Variants in TCTN3 observed in about 807,000 individuals in gnomAD.
TCTN3 encodes tectonic family member 3, also known as tectonic-3.
A neutral mutation model predicts 71.3 loss-of-function variants in TCTN3; 57 were observed. That is an observed-to-expected ratio of 0.80 (90% CI 0.65 to 1.00). The LOEUF is 1.00. Among genes scored for constraint, TCTN3 ranks in the 50% least tolerant of loss-of-function variants. The pLI is 0.00. For missense variants in TCTN3, 696 were observed against 719.9 expected (o/e 0.97, Z 0.38); for synonymous variants, 258 against 267.8 (o/e 0.96, Z 0.36).
rs1472885195 is a variant in TCTN3, at chr10:95,687,110, C to A, written c.786G>T (p.Leu262=). 6.2e-7 allele frequency: 1 copy of A among 1,614,002 alleles called. No homozygotes were observed. Among genetic ancestry groups the A allele is most frequent in the African/African-American group, 1.3e-5 (1 of 74,892 alleles). ...STTCTRFFKN[L]ASSCTLDSAL... ...CTGAATCCAAGGTACAGCTACTAGCCAGGTTCTTGAAAAAACGAGTGCAAG... is the reference window on the plus strand; with the variant it reads ...CTGAATCCAAGGTACAGCTACTAGCAAGGTTCTTGAAAAAACGAGTGCAAG... The change falls in exon 6 of 14, where the codon CTG becomes CTT. Residue 262 remains leucine, a synonymous_variant. Transcript: ENST00000371217.
chr10:95,689,022 G>A (rs1043954645), intron 3 of TCTN3, among the ~76,000 whole-genome samples: 9 of 152,126 alleles, frequency 5.9e-5, no homozygotes, highest in African/African-American at 2.2e-4. Context: ...AAGCAAATGA[G>A]GATTCCACGT....
intron 12 of TCTN3, among the ~76,000 whole-genome samples, chr10:95,681,045 G>A (rs1220048215): frequency 2.0e-5 from 3 of 150,578 alleles, no homozygotes; most frequent in Admixed American, 2.0e-4. Flanking sequence ...CAAAGTGCTG[G>A]GATTACAGGC....
intron 13 of TCTN3, among the ~76,000 whole-genome samples, chr10:95,668,116 T>TA (rs1202449173): frequency 6.6e-6 from 1 of 151,488 alleles, no homozygotes; most frequent in Admixed American, 6.6e-5. Context: ...ATGGCCAAAA[T>TA]AAAAAATTCA....
intron 3 of TCTN3, among the ~76,000 whole-genome samples, chr10:95,688,397 G>GAAAAAATAAAAAAAAA (rs2097950534): frequency 9.6e-6 from 1 of 104,592 alleles, no homozygotes; most frequent in African/African-American, 3.5e-5. Context: ...TCAAAAAAAA[G>GAAAAAATAAAAAAAAA]AAAAAAAAAA....
At position 95,683,508 on chromosome 10, in the gene TCTN3, T is replaced by C. The variant is rs1227245516; in HGVS notation, c.1203+14A>G. On this transcript the variant is annotated intron_variant, in intron 10 of 13. Transcript: ENST00000371217. ...ATTAGGCTGCAACAGGCCACCCAGC[T>C]CTAAAAAGGATACTGAGTAACTTAT... The C allele has an allele frequency of 3.1e-6, 5 of 1,614,146 alleles. No homozygotes were observed. Among genetic ancestry groups the C allele is most frequent in the Non-Finnish European group, 4.2e-6 (5 of 1,180,014 alleles).
chr10:95,673,159 T>C (rs116989589), intron 13 of TCTN3, among the ~76,000 whole-genome samples: 2,390 of 152,300 alleles, frequency 0.016, 22 homozygotes, highest in Non-Finnish European at 0.026. Flanking sequence ...ATGGTATCTT[T>C]TGGTGAGCAG....
chr10:95,683,292 A>C, intron 10 of TCTN3, 97 bp from the exon 11 acceptor site: 1 of 1,512,594 alleles, frequency 6.6e-7, no homozygotes, highest in Non-Finnish European at 8.9e-7. Context: ...AATGCTATTT[A>C]TTTTGTATTA....
At chr10:95,690,736 A>C (rs1416280830) in intron 3 of TCTN3, among the ~76,000 whole-genome samples, 2 of 152,202 alleles carry the variant, frequency 1.3e-5, no homozygotes, top group Non-Finnish European at 2.9e-5. Flanking sequence ...AGTGGGAAGT[A>C]ATGGAGGTTT....
chr10:95,685,474 C>A, intron 8 of TCTN3, 82 bp downstream of exon 8: 1 of 1,170,694 alleles, frequency 8.5e-7, no homozygotes, highest in Non-Finnish European at 1.2e-6. Flanking sequence ...TTGGGTCAGT[C>A]TGATACTTAA....
At position 95,664,041 on chromosome 10, in the gene TCTN3, AC is replaced by A. The variant is rs1566062447; in HGVS notation, c.*25del. ...TGCCTCAGAGTTTCTCATAGGGAAA[AC>A]TGAAATCTGATTATTTTCTTTTCTT... is the stretch of plus-strand genomic sequence containing the variant. On this transcript the variant is annotated 3_prime_UTR_variant, in exon 14 of 14. Transcript: ENST00000371217. 2 of 1,606,650 alleles carry A rather than the reference AC, an allele frequency of 1.2e-6. No individual in the cohort carries two copies. Among genetic ancestry groups the A allele is most frequent in the Non-Finnish European group, 1.7e-6 (2 of 1,173,612 alleles).
chr10:95,692,501 G>A (rs770576911), intron 3 of TCTN3, among the ~76,000 whole-genome samples: 1 of 149,998 alleles, frequency 6.7e-6, no homozygotes, highest in African/African-American at 2.5e-5. Flanking sequence ...TGGAGGCTCC[G>A]TCTCAAAAAA....
chr10:95,682,113 TG>T (rs1178697372), intron 12 of TCTN3, among the ~76,000 whole-genome samples: 1 of 149,776 alleles, frequency 6.7e-6, no homozygotes, highest in Non-Finnish European at 1.5e-5. Context: ...GAGGATAGCC[TG>T]GGCCCAGAAG....
In TCTN3 at chr10:95,693,586, G is replaced by C; in HGVS notation, c.256+58C>G. ...TCCTGCTTTGTGGCAGCTCAACTTTGCTCACAGAATTTTAGATCTCAGAAG... is the reference window on the plus strand; with the variant it reads ...TCCTGCTTTGTGGCAGCTCAACTTTCCTCACAGAATTTTAGATCTCAGAAG... On this transcript the variant is annotated intron_variant, in intron 1 of 13. Transcript: ENST00000371217. The C allele has an allele frequency of 4.5e-6, 7 of 1,546,502 alleles. No homozygotes were observed. In the South Asian group the frequency reaches 8.4e-5, roughly 18 times the overall value.
At chr10:95,685,521 C>T in intron 8 of TCTN3, 35 bp downstream of exon 8, 2 of 1,502,296 alleles carry the variant, frequency 1.3e-6, no homozygotes, top group South Asian at 1.2e-5. Flanking sequence ...TTGATTAACA[C>T]ACATCAGTCC....
chr10:95,687,604 T>C lies in TCTN3; in HGVS notation c.615A>G (p.Pro205=), dbSNP rs1247615743. 6.2e-7 allele frequency: 1 copy of C among 1,613,616 alleles called. No homozygotes were observed. The highest frequency in any genetic ancestry group is 1.7e-5 in the Admixed American group (1 of 59,836). The change falls in exon 4 of 14, where the codon CCA becomes CCG. Residue 205 remains proline, a synonymous_variant. Transcript: ENST00000371217. ...TCCCCAGGCTCACCCTGTAAAAAGA[T>C]GGTGGTGATTGAGTTTGGAATGTTG... ...FTSTFQTQSP[P]SFYRAGDPIL...
rs1432135827 is a variant in TCTN3, at chr10:95,683,548, C to T, written c.1177G>A (p.Ala393Thr). The change falls in exon 10 of 14, where the codon GCT becomes ACT. Residue 393 changes from alanine (A) to threonine (T), a missense_variant. Transcript: ENST00000371217. Reference sequence around the variant, plus strand: ...GAGTAACTTATATCATCAGTCAGAGCCAAGAGTGGCTTCCCAACTATATAG... The same window carrying T: ...GAGTAACTTATATCATCAGTCAGAGTCAAGAGTGGCTTCCCAACTATATAG... Reference protein sequence around the residue: ...PGYIVGKPLLALTDDISYSMT... With the variant: ...PGYIVGKPLLTLTDDISYSMT... 6 of 1,614,140 alleles carry T rather than the reference C, an allele frequency of 3.7e-6. No homozygotes were observed. The highest frequency in any genetic ancestry group is 5.1e-6 in the Non-Finnish European group (6 of 1,180,020).
At chr10:95,682,358 C>T (rs564080931) in intron 12 of TCTN3, among the ~76,000 whole-genome samples, 162 of 152,054 alleles carry the variant, frequency 1.1e-3, no homozygotes, top group Middle Eastern at 6.8e-3. Flanking sequence ...GGTGTGGTGG[C>T]GGGTGCCTGC....
At chr10:95,667,001 C>G (rs1239521773) in intron 13 of TCTN3, among the ~76,000 whole-genome samples, 1 of 152,130 alleles carries the variant, frequency 6.6e-6, no homozygotes, top group African/African-American at 2.4e-5. Context: ...TATCATTAGC[C>G]TCCTCAAACT....
At chr10:95,685,522 A>C (rs1004364411) in intron 8 of TCTN3, 34 bp downstream of exon 8, 1 of 1,506,544 alleles carries the variant, frequency 6.6e-7, no homozygotes, top group Non-Finnish European at 9.0e-7. Flanking sequence ...TGATTAACAC[A>C]CATCAGTCCA....
Sources: gnomAD v4.1 joint callset for allele counts (sites outside exome capture counted in the v4.1 genomes callset) on GRCh38, gnomAD v4.1.1 for gene constraint, MANE v1.5 for transcripts, NCBI Gene and HGNC (gene_info 2026-07-23, HGNC 2026-07-21) for gene names.